KDM4B: variants seen among roughly 807,000 people sequenced by gnomAD.
KDM4B encodes the protein lysine-specific demethylase 4B.
A neutral mutation model predicts 125.2 loss-of-function variants in KDM4B; 32 were observed. The observed-to-expected ratio is 0.26, with a 90% CI of 0.19 to 0.34. KDM4B has a LOEUF of 0.34. Among genes scored for constraint, KDM4B ranks in the 10% least tolerant of loss-of-function variants. The pLI, the probability that KDM4B is intolerant of heterozygous loss-of-function variation, is 1.00. For missense variants in KDM4B, 1,190 were observed against 1,577.7 expected, an observed-to-expected ratio of 0.75 and a Z score of 4.16; for synonymous variants, 721 against 677.9, an observed-to-expected ratio of 1.06 and a Z score of -0.99.
intron 6 of KDM4B, among the ~76,000 whole-genome samples, chr19:5,063,850 G>A (rs2037682221): frequency 1.3e-5 from 2 of 152,360 alleles, no homozygotes; most frequent in South Asian, 4.1e-4. Flanking sequence ...TCCCTGGCCC[G>A]GTCACCATGC....
At chr19:5,052,630 G>C (rs1382311434) in intron 6 of KDM4B, among the ~76,000 whole-genome samples, 1 of 152,212 alleles carries the variant, frequency 6.6e-6, no homozygotes, top group Non-Finnish European at 1.5e-5. Flanking sequence ...CCTGGGGGCA[G>C]ACACCTCCCT....
chr19:4,988,522 G>A (rs1396639439), intron 1 of KDM4B, among the ~76,000 whole-genome samples: 2 of 152,026 alleles, frequency 1.3e-5, no homozygotes, highest in Non-Finnish European at 2.9e-5. Flanking sequence ...TGATCCACCC[G>A]CCTCGGCTTC....
Position 5,048,480 on chromosome 19 carries a change from C to T in KDM4B, c.626+811C>T, listed in dbSNP as rs985602338. On this transcript the variant is annotated intron_variant, in intron 6 of 22. Transcript: ENST00000159111. ...GGCGCTCCCGCCCTTCCCGGGGCCG[C>T]GCTCATGCCTGGAATCTTCCCAGGC... Among the ~76,000 whole-genome samples, 8 of 152,228 alleles carry T rather than the reference C, an allele frequency of 5.3e-5. No homozygotes were observed. The East Asian group carries it at 7.8e-4, about 15-fold the overall frequency.
chr19:5,025,770 C>T (rs1411120475), intron 2 of KDM4B, among the ~76,000 whole-genome samples: 1 of 152,244 alleles, frequency 6.6e-6, no homozygotes, highest in African/African-American at 2.4e-5. Context: ...TGCACCCCTG[C>T]GTGTTTGACA....
At chr19:5,146,238 C>CA (rs1435551361) in intron 21 of KDM4B, among the ~76,000 whole-genome samples, 1 of 151,650 alleles carries the variant, frequency 6.6e-6, no homozygotes, top group Non-Finnish European at 1.5e-5. Flanking sequence ...CATCCAGGAC[C>CA]CCCCCCGCTC....
chr19:4,990,628 G>A (rs1032195790), intron 1 of KDM4B, among the ~76,000 whole-genome samples: 9 of 152,236 alleles, frequency 5.9e-5, no homozygotes, highest in Non-Finnish European at 4.4e-5. Context: ...GGGTAATCCA[G>A]TGTCTCTTTT....
intron 9 of KDM4B, among the ~76,000 whole-genome samples, chr19:5,086,805 G>C (rs2038515597): frequency 6.6e-6 from 1 of 152,368 alleles, no homozygotes; most frequent in African/African-American, 2.4e-5. Context: ...CACTGCCACA[G>C]ATGTGCTGCC....
At chr19:5,135,168 T>G (rs1276523175) in intron 14 of KDM4B, among the ~76,000 whole-genome samples, 171 bp from the exon 15 acceptor site, 1 of 152,182 alleles carries the variant, frequency 6.6e-6, no homozygotes, top group African/African-American at 2.4e-5. Flanking sequence ...ATCCTGACTT[T>G]CTGGAGGAGT....
chr19:5,093,209 C>T (rs1045481841), intron 9 of KDM4B, among the ~76,000 whole-genome samples: 1 of 152,314 alleles, frequency 6.6e-6, no homozygotes, highest in Non-Finnish European at 1.5e-5. Flanking sequence ...TGTGCAGCTG[C>T]CTGCTTGTCA....
intron 9 of KDM4B, among the ~76,000 whole-genome samples, chr19:5,091,552 C>T (rs938879884): frequency 6.6e-5 from 10 of 152,300 alleles, no homozygotes; most frequent in Middle Eastern, 3.4e-3. Context: ...ATGGGGGCTC[C>T]GGCAGGAACC....
rs58219404 is a variant in KDM4B at position 5,035,880 on chromosome 19, T to TGTGTGTGTGTGCGCGCGCGCGCGC, written c.141+2850_141+2851insTGTGTGTGTGCGCGCGCGCGCGCG. Among the ~76,000 whole-genome samples the TGTGTGTGTGTGCGCGCGCGCGCGC allele has an allele frequency of 7.3e-6, 1 of 136,398 alleles. No homozygotes were observed. The highest frequency in any genetic ancestry group is 1.6e-5 in the Non-Finnish European group (1 of 62,352). The allele number at this position is 136,398 out of a possible 152,430, so 89.5% of individuals were successfully genotyped here. On this transcript the variant is annotated intron_variant, in intron 3 of 22. Transcript: ENST00000159111. The surrounding 1 kb of genome is among the most constrained non-coding windows in gnomAD (Gnocchi z 5.3). Reference sequence around the variant, plus strand: ...ACGTGTCTCTGTGTGTGTGTGTGTGTGCGCGCGCGCGCGCGCCTGCGCGCA... The same window carrying TGTGTGTGTGTGCGCGCGCGCGCGC: ...ACGTGTCTCTGTGTGTGTGTGTGTGTGTGTGTGTGTGCGCGCGCGCGCGCGCGCGCGCGCGCGCGCCTGCGCGCA...
intron 6 of KDM4B, among the ~76,000 whole-genome samples, chr19:5,050,324 G>T (rs562817237): frequency 6.6e-6 from 1 of 152,352 alleles, no homozygotes; most frequent in Non-Finnish European, 1.5e-5. Context: ...AGGCAGCGGG[G>T]CTAAGAATAT....
At position 5,022,343 on chromosome 19, in the gene KDM4B, C is replaced by T. The variant is rs868038334; in HGVS notation, c.-26+6004C>T. On this transcript the variant is annotated intron_variant, in intron 2 of 22. Coordinates refer to ENST00000159111, the MANE Select transcript of KDM4B (RefSeq NM_015015.3). ...TTCCTCACACCACCTCTCTTGGGTA[C>T]GTAGGGCACAGGGCACAGGACCTCC... 5.3e-5 allele frequency among the ~76,000 whole-genome samples: 8 copies of T among 152,222 alleles called. No individual in the cohort carries two copies. In the Middle Eastern group the frequency reaches 0.01, roughly 194 times the overall value.
intron 10 of KDM4B, chr19:5,111,951 C>A (rs1262575309): frequency 4.5e-6 from 3 of 661,040 alleles, no homozygotes; most frequent in Non-Finnish European, 5.5e-6. Context: ...CTGTTTTGAG[C>A]CACTTAAAAA....
chr19:5,082,169 T>A lies in KDM4B; in HGVS notation c.781-198T>A, dbSNP rs1245739966. ...GTTGCAGAGCTGTGGCTGCGGCTGCTCACTATGTCCTTCATGAGCCGCGTG... is the reference window on the plus strand; with the variant it reads ...GTTGCAGAGCTGTGGCTGCGGCTGCACACTATGTCCTTCATGAGCCGCGTG... On this transcript the variant is annotated intron_variant, in intron 8 of 22. Transcript: ENST00000159111. This position sits in a 1 kb window ranked among gnomAD's most constrained non-coding sequence, Gnocchi z 5.4. 6.6e-6 allele frequency among the ~76,000 whole-genome samples: 1 copy of A among 152,160 alleles called. No individual in the cohort carries two copies. Among genetic ancestry groups the A allele is most frequent in the Non-Finnish European group, 1.5e-5 (1 of 68,016 alleles).
intron 1 of KDM4B, among the ~76,000 whole-genome samples, chr19:4,993,771 T>G (rs1463146919): frequency 6.6e-6 from 1 of 151,990 alleles, no homozygotes; most frequent in East Asian, 1.9e-4. Flanking sequence ...TTGCCACGCC[T>G]GGCTAATTTT....
At chr19:5,062,013 A>G (rs2037616800) in intron 6 of KDM4B, among the ~76,000 whole-genome samples, 1 of 152,216 alleles carries the variant, frequency 6.6e-6, no homozygotes, top group African/African-American at 2.4e-5. Flanking sequence ...GCCCCGCAGA[A>G]TGCCAGGGCT....
In KDM4B at chr19:5,057,029, C is replaced by CGTGTGTGT. The variant is rs74170763; in HGVS notation, c.626+9390_626+9397dup. Among the ~76,000 whole-genome samples, 937 of 144,110 alleles carry CGTGTGTGT rather than the reference C, an allele frequency of 6.5e-3. 4 individuals carry two copies. The highest frequency in any genetic ancestry group is 0.023 in the African/African-American group (866 of 37,734). The allele number at this position is 144,110 out of a possible 152,430, so 94.5% of individuals were successfully genotyped here. A position where few individuals can be genotyped will look rare whatever the true frequency, so the allele number is the denominator to read the frequency against. Reference sequence around the variant, plus strand: ...AGCATGTAAGTACCAGATATATATGCGTGTGTGTGTGTGTGTGTGTGTGTG... The same window carrying CGTGTGTGT: ...AGCATGTAAGTACCAGATATATATGCGTGTGTGTGTGTGTGTGTGTGTGTGTGTGTGTG... On this transcript the variant is annotated intron_variant, in intron 6 of 22. Coordinates refer to ENST00000159111, the MANE Select transcript of KDM4B (RefSeq NM_015015.3).
intron 1 of KDM4B, among the ~76,000 whole-genome samples, chr19:5,004,743 T>C (rs556400212): frequency 1.2e-4 from 18 of 152,080 alleles, no homozygotes; most frequent in Non-Finnish European, 2.4e-4. Flanking sequence ...GGTTATATTT[T>C]AATGGTCACA....
Sources: gnomAD v4.1 joint callset for allele counts (sites outside exome capture counted in the v4.1 genomes callset) on GRCh38, gnomAD v4.1.1 for gene constraint, Gnocchi (gnomAD v3.1) non-coding constraint, MANE v1.5 for transcripts, NCBI Gene and HGNC (gene_info 2026-07-23, HGNC 2026-07-21) for gene names.